The following CNTNAP5 variants were observed in gnomAD, a reference collection of about 807,000 sequenced individuals.
CNTNAP5 encodes contactin-associated protein-like 5.
CNTNAP5 carries 72 observed loss-of-function variants against 150.2 expected under a neutral mutation model. That is an observed-to-expected ratio of 0.48 (90% CI 0.40 to 0.58). The LOEUF is 0.58. Ranked by LOEUF, CNTNAP5 falls within the 20% of genes least tolerant of loss-of-function variation. The pLI is 0.00. For missense variants in CNTNAP5, 1,636 were observed against 1,626.2 expected (o/e 1.01, Z -0.10); for synonymous variants, 672 against 619.8 (o/e 1.08, Z -1.25).
intron 17 of CNTNAP5, among the ~76,000 whole-genome samples, chr2:124,778,086 C>G (rs1055031427): frequency 6.6e-6 from 1 of 152,120 alleles, no homozygotes; most frequent in Non-Finnish European, 1.5e-5. Context: ...TAAAACAGTT[C>G]TCCCTGGACA....
intron 10 of CNTNAP5, among the ~76,000 whole-genome samples, chr2:124,558,742 G>A (rs112509964): frequency 0.024 from 3,696 of 152,174 alleles, 167 homozygotes; most frequent in African/African-American, 0.085. Flanking sequence ...ACTTCAGCCC[G>A]GCCCCAGTTA....
Position 124,512,645 on chromosome 2 carries a change from C to A in CNTNAP5, c.1327+8089C>A, listed in dbSNP as rs1694618610. On this transcript the variant is annotated intron_variant, in intron 8 of 23. Transcript: ENST00000682447. ...CAAGCAATAGTGTTTATCATATTTC[C>A]TCAACCACCGTATAACATTTCACTC... is the stretch of plus-strand genomic sequence containing the variant. Among the ~76,000 whole-genome samples, 3 of 152,268 alleles carry A rather than the reference C, an allele frequency of 2.0e-5. 1 individual carries two copies. Among genetic ancestry groups the A allele is most frequent in the Admixed American group, 2.0e-4 (3 of 15,294 alleles).
At chr2:124,286,295 C>T (rs371921822) in intron 3 of CNTNAP5, among the ~76,000 whole-genome samples, 11 of 152,284 alleles carry the variant, frequency 7.2e-5, no homozygotes, top group East Asian at 1.9e-4. Context: ...TTCTCGGCGA[C>T]GGCCTACTTC....
At chr2:124,868,188 T>G (rs1263621079) in intron 20 of CNTNAP5, among the ~76,000 whole-genome samples, 1 of 152,180 alleles carries the variant, frequency 6.6e-6, no homozygotes, top group African/African-American at 2.4e-5. Context: ...AGAGTGATCC[T>G]GGTGAAGGAA....
At chr2:124,906,671 C>G (rs1678544166) in intron 22 of CNTNAP5, among the ~76,000 whole-genome samples, 1 of 152,100 alleles carries the variant, frequency 6.6e-6, no homozygotes, top group South Asian at 2.1e-4. Context: ...AGCCTGAGAT[C>G]TGTAGTGCCC....
At chr2:124,421,501 A>G (rs1692102889) in intron 4 of CNTNAP5, among the ~76,000 whole-genome samples, 1 of 152,150 alleles carries the variant, frequency 6.6e-6, no homozygotes, top group African/African-American at 2.4e-5. Flanking sequence ...TCCAACAGGT[A>G]TCTTAAATCC....
In CNTNAP5 at chr2:124,459,760, A is replaced by T. The variant is rs1406694794; in HGVS notation, c.918+12823A>T. Among the ~76,000 whole-genome samples the T allele has an allele frequency of 6.7e-4, 10 of 14,892 alleles. No individual in the cohort carries two copies. In the South Asian group the frequency reaches 0.044, roughly 66 times the overall value. 9.8% of individuals were successfully genotyped at this position (14,892 alleles called of 152,430 possible). On this transcript the variant is annotated intron_variant, in intron 6 of 23. Transcript: ENST00000682447. ...GCAACAAGAGTGAAATTCCTCTGTA[A>T]AAAAAAAAAAAAAAAAAAAAGGAAT...
At chr2:124,641,607 A>G (rs1678095880) in intron 12 of CNTNAP5, among the ~76,000 whole-genome samples, 1 of 152,220 alleles carries the variant, frequency 6.6e-6, no homozygotes, top group African/African-American at 2.4e-5. Flanking sequence ...CTTGGCATAG[A>G]AAATTCACTT....
intron 1 of CNTNAP5, among the ~76,000 whole-genome samples, chr2:124,089,552 G>A (rs1374200746): frequency 6.6e-6 from 1 of 152,138 alleles, no homozygotes; most frequent in East Asian, 1.9e-4. Context: ...TACTTTCAAG[G>A]TAGCAAAAGT....
chr2:124,770,715 G>C (rs1193344179), intron 16 of CNTNAP5, among the ~76,000 whole-genome samples: 1 of 152,078 alleles, frequency 6.6e-6, no homozygotes, highest in African/African-American at 2.4e-5. Flanking sequence ...CTTCAATTCT[G>C]TTTCCTTTAA....
intron 19 of CNTNAP5, among the ~76,000 whole-genome samples, chr2:124,801,347 T>C (rs866018220): frequency 1.1e-4 from 17 of 152,308 alleles, no homozygotes; most frequent in Middle Eastern, 6.8e-3. Context: ...GAAGCAGTCA[T>C]GTTTCCCACA....
chr2:124,497,140 G>C (rs539871756), intron 7 of CNTNAP5, among the ~76,000 whole-genome samples: 3 of 152,024 alleles, frequency 2.0e-5, no homozygotes, highest in African/African-American at 2.4e-5. Context: ...TTATTTTCAG[G>C]TTTTCATTTA....
rs143972352 is a variant in CNTNAP5, at chr2:124,606,894, T to C, written c.1757-2907T>C. On this transcript the variant is annotated intron_variant, in intron 11 of 23. Transcript: ENST00000682447. ...GTGGGAGTTACAATTCAAGACGAGA[T>C]TTGGATGAGGACACAGCGAAACCAT... is the stretch of plus-strand genomic sequence containing the variant. Among the ~76,000 whole-genome samples, 382 of 152,056 alleles carry C rather than the reference T, an allele frequency of 2.5e-3. 2 individuals carry two copies. Among genetic ancestry groups the C allele is most frequent in the African/African-American group, 8.7e-3 (360 of 41,470 alleles).
intron 13 of CNTNAP5, among the ~76,000 whole-genome samples, chr2:124,684,310 A>G (rs577417325): frequency 6.6e-6 from 1 of 152,312 alleles, no homozygotes; most frequent in Non-Finnish European, 1.5e-5. Flanking sequence ...GACCAGAGCT[A>G]GGAATCATGC....
rs183068725 is a variant in CNTNAP5, at chr2:124,875,808, A to G, written c.3436+6046A>G. ...CTGTGCTCCAAAAGAGCAATTCTGA[A>G]CCATGGTGAGTCATACAGAATCTAG... On this transcript the variant is annotated intron_variant, in intron 21 of 23. Coordinates refer to ENST00000682447, the MANE Select transcript of CNTNAP5 (RefSeq NM_001367498.1). 2.3e-3 allele frequency among the ~76,000 whole-genome samples: 347 copies of G among 151,126 alleles called. 2 individuals are homozygous for G. Among genetic ancestry groups the G allele is most frequent in the African/African-American group, 8.0e-3 (331 of 41,156 alleles).
intron 3 of CNTNAP5, among the ~76,000 whole-genome samples, chr2:124,269,936 G>A (rs2699362): frequency 0.14 from 20,597 of 152,140 alleles, 1,954 homozygotes; most frequent in East Asian, 0.33. Context: ...AATCATGTCT[G>A]CGGATGTTAA....
At chr2:124,574,094 A>G (rs1222727548) in intron 11 of CNTNAP5, among the ~76,000 whole-genome samples, 2 of 152,138 alleles carry the variant, frequency 1.3e-5, no homozygotes, top group Non-Finnish European at 2.9e-5. Context: ...TTTTTATACT[A>G]TAGACTACCA....
In CNTNAP5 at chr2:124,373,425, T is replaced by C. The variant is rs1573951338; in HGVS notation, c.382-44018T>C. ...AATGGAGAGACAGCCCACAAGGAAA[T>C]TGTGGTTTAATAAATGACCAGCAAT... On this transcript the variant is annotated intron_variant, in intron 3 of 23. Coordinates refer to ENST00000682447, the MANE Select transcript of CNTNAP5 (RefSeq NM_001367498.1). Among the ~76,000 whole-genome samples, 3 of 152,006 alleles carry C rather than the reference T, an allele frequency of 2.0e-5. No individual in the cohort carries two copies. In the South Asian group the frequency reaches 6.2e-4, roughly 32 times the overall value.
intron 21 of CNTNAP5, among the ~76,000 whole-genome samples, chr2:124,895,511 T>C (rs1269496577): frequency 6.6e-6 from 1 of 151,480 alleles, no homozygotes; most frequent in Non-Finnish European, 1.5e-5. Context: ...CTGTAGTCCC[T>C]GACACTGGGT....
Sources: gnomAD v4.1 joint callset for allele counts (sites outside exome capture counted in the v4.1 genomes callset) on GRCh38, gnomAD v4.1.1 for gene constraint, MANE v1.5 for transcripts, NCBI Gene and HGNC (gene_info 2026-07-23, HGNC 2026-07-21) for gene names.